The following PPA2 variants were observed in gnomAD, a reference collection of about 807,000 sequenced individuals.
PPA2 encodes inorganic pyrophosphatase 2.
PPA2 carries 48 observed loss-of-function variants against 49.5 expected under a neutral mutation model. The observed-to-expected ratio is 0.97, with a 90% confidence interval of 0.77 to 1.23. PPA2 has a LOEUF of 1.23. Among genes scored for constraint, PPA2 ranks in the 50% most tolerant of loss-of-function variants. The pLI is 0.00. For missense variants in PPA2, 429 were observed against 410.1 expected, an observed-to-expected ratio of 1.05 and a Z score of -0.40; for synonymous variants, 131 against 139.9, an observed-to-expected ratio of 0.94 and a Z score of 0.45.
intron 1 of PPA2, among the ~76,000 whole-genome samples, chr4:105,462,688 A>G (rs1258461809): frequency 6.6e-6 from 1 of 152,168 alleles, no homozygotes; most frequent in Non-Finnish European, 1.5e-5. Context: ...CTGTGTCCCC[A>G]CCCAAATCTC....
chr4:105,386,421 TACA>T, intron 10 of PPA2, 143 bp downstream of exon 10: 1 of 597,340 alleles, frequency 1.7e-6, no homozygotes, highest in Non-Finnish European at 2.6e-6. Flanking sequence ...TTCCTTGAAT[TACA>T]GAAATAGATT....
chr4:105,418,891 A>G (rs1723126680), intron 7 of PPA2, among the ~76,000 whole-genome samples: 1 of 152,216 alleles, frequency 6.6e-6, no homozygotes, highest in Non-Finnish European at 1.5e-5. Context: ...GAAGCTGTAC[A>G]TTATAGAAGG....
chr4:105,450,832 C>A (rs1722646235), intron 3 of PPA2, among the ~76,000 whole-genome samples: 1 of 152,070 alleles, frequency 6.6e-6, no homozygotes. Context: ...TGGTCTCGAT[C>A]TCCTGACCTC....
At chr4:105,378,125 TG>T (rs1302242079) in intron 10 of PPA2, among the ~76,000 whole-genome samples, 1 of 152,186 alleles carries the variant, frequency 6.6e-6, no homozygotes, top group Non-Finnish European at 1.5e-5. Context: ...AATACCAAAA[TG>T]TTTTCCAGAT....
At chr4:105,459,303 C>T (rs1448385732) in intron 1 of PPA2, among the ~76,000 whole-genome samples, 1 of 152,148 alleles carries the variant, frequency 6.6e-6, no homozygotes, top group Non-Finnish European at 1.5e-5. Context: ...TATATTACAT[C>T]AGATTTCAAA....
At chr4:105,473,605 C>G (rs1470501869) in intron 1 of PPA2, 2 of 646,326 alleles carry the variant, frequency 3.1e-6, no homozygotes, top group African/African-American at 3.6e-5. Flanking sequence ...CTGCCTACCC[C>G]TCGGGGAGGG....
At chr4:105,437,223 T>C (rs1485148852) in intron 6 of PPA2, among the ~76,000 whole-genome samples, 2 of 150,998 alleles carry the variant, frequency 1.3e-5, no homozygotes, top group Non-Finnish European at 3.0e-5. Flanking sequence ...GAAATACAAA[T>C]TTAAACCACA....
intron 7 of PPA2, among the ~76,000 whole-genome samples, chr4:105,411,487 T>C (rs961502941): frequency 2.0e-5 from 3 of 152,170 alleles, no homozygotes; most frequent in African/African-American, 7.2e-5. Flanking sequence ...AATATCATAC[T>C]GAATGGGCAA....
chr4:105,438,680 A>G (rs1212775482), intron 5 of PPA2, among the ~76,000 whole-genome samples: 1 of 152,222 alleles, frequency 6.6e-6, no homozygotes, highest in Non-Finnish European at 1.5e-5. Context: ...ATAAATGAAG[A>G]CTGTAATAGA....
intron 10 of PPA2, among the ~76,000 whole-genome samples, chr4:105,375,565 T>C (rs571334869): frequency 6.6e-6 from 1 of 152,238 alleles, no homozygotes; most frequent in South Asian, 2.1e-4. Context: ...CAGCTTTGAT[T>C]AAAGTGCGTG....
At chr4:105,380,505 A>G (rs1733445569) in intron 10 of PPA2, among the ~76,000 whole-genome samples, 1 of 152,182 alleles carries the variant, frequency 6.6e-6, no homozygotes, top group African/African-American at 2.4e-5. Context: ...ATCACGAAGT[A>G]CTTCAAACAT....
At chr4:105,434,181 G>A (rs898894567) in intron 6 of PPA2, among the ~76,000 whole-genome samples, 9 of 152,118 alleles carry the variant, frequency 5.9e-5, no homozygotes, top group African/African-American at 2.2e-4. Flanking sequence ...AGGAACCAGA[G>A]TGGAAAATAA....
intron 9 of PPA2, among the ~76,000 whole-genome samples, chr4:105,389,544 T>C (rs182009169): frequency 6.6e-6 from 1 of 151,362 alleles, no homozygotes; most frequent in East Asian, 1.9e-4. Context: ...ACATGACCTA[T>C]ATACAACCTT....
At chr4:105,411,506 AG>A (rs1368549637) in intron 7 of PPA2, among the ~76,000 whole-genome samples, 1 of 152,214 alleles carries the variant, frequency 6.6e-6, no homozygotes, top group Non-Finnish European at 1.5e-5. Flanking sequence ...AAAAACTGGA[AG>A]CATTCCCCTG....
At chr4:105,445,424 A>G (rs1197488412) in intron 5 of PPA2, among the ~76,000 whole-genome samples, 2 of 152,148 alleles carry the variant, frequency 1.3e-5, no homozygotes, top group South Asian at 2.1e-4. Context: ...CATTTTAACC[A>G]AGAATGTATC....
intron 5 of PPA2, among the ~76,000 whole-genome samples, chr4:105,441,355 G>T (rs923594751): frequency 3.3e-5 from 5 of 152,056 alleles, no homozygotes; most frequent in African/African-American, 1.2e-4. Flanking sequence ...AAGATACCTA[G>T]TCTGATCAGA....
chr4:105,369,741 T>C lies in PPA2; in HGVS notation c.989A>G (p.His330Arg). 1 of 1,591,488 alleles carries C rather than the reference T, an allele frequency of 6.3e-7. No homozygotes were observed. Among genetic ancestry groups the C allele is most frequent in the Non-Finnish European group, 8.6e-7 (1 of 1,159,548 alleles). Residue 330 changes from histidine to arginine, a missense_variant, in exon 12 of 12, where the codon CAC (histidine) becomes CGC (arginine). Coordinates refer to ENST00000341695, the MANE Select transcript of PPA2 (RefSeq NM_176869.3). Reference protein sequence around the residue: ...KESNEEEQVWHFLGK With the variant: ...KESNEEEQVWRFLGK ...ATGTTTCAATCACTTGCCAAGGAAG[T>C]GCCACACTTGCTCTGCATTTAAAAT...
chr4:105,449,216 C>CAAAA (rs576525217), intron 4 of PPA2, 134 bp downstream of exon 4: 5 of 203,002 alleles, frequency 2.5e-5, no homozygotes, highest in Admixed American at 1.4e-4. Flanking sequence ...GACTCCGTCT[C>CAAAA]AAAAAAAAAA....
At chr4:105,450,639 G>C (rs529031838) in intron 3 of PPA2, among the ~76,000 whole-genome samples, 187 of 105,708 alleles carry the variant, frequency 1.8e-3, no homozygotes, top group African/African-American at 5.8e-3. Context: ...ACGGAGTCTC[G>C]CTTTGTCGCC....
Sources: allele counts gnomAD v4.1 joint callset (sites outside exome capture counted in the v4.1 genomes callset), GRCh38; gene constraint gnomAD v4.1.1; transcripts MANE v1.5; gene names NCBI Gene and HGNC (gene_info 2026-07-23, HGNC 2026-07-21).